RBMS3: variants seen among roughly 807,000 people sequenced by gnomAD.
RBMS3 encodes RNA-binding motif, single-stranded-interacting protein 3.
RBMS3 carries 27 observed loss-of-function variants against 66.8 expected under a neutral mutation model. The ratio of observed to expected loss-of-function variants is 0.40; its 90% CI spans 0.30 to 0.56. The LOEUF is 0.56. Among genes scored for constraint, RBMS3 ranks in the 20% least tolerant of loss-of-function variants. The pLI, the probability that RBMS3 is intolerant of heterozygous loss-of-function variation, is 0.40. For missense variants in RBMS3, 513 were observed against 549.5 expected (o/e 0.93, Z 0.66); for synonymous variants, 188 against 183.0 (o/e 1.03, Z -0.22).
chr3:29,425,234 C>T (rs2040907726), intron 1 of RBMS3, among the ~76,000 whole-genome samples: 1 of 135,998 alleles, frequency 7.4e-6, no homozygotes, highest in African/African-American at 2.8e-5. Flanking sequence ...AAAAAACAGG[C>T]GTGGTGTCAC....
chr3:29,652,740 C>G lies in RBMS3; in HGVS notation c.399+65535C>G, dbSNP rs115569674. ...AAGGTTTGTTTTTGTGACTAAAGCT[C>G]TCTAATCTCGGAAGTCTTGAAGGAA... On this transcript the variant is annotated intron_variant, in intron 4 of 14. Coordinates refer to ENST00000383767, the MANE Select transcript of RBMS3 (RefSeq NM_001003793.3). Among the ~76,000 whole-genome samples, 648 of 152,194 alleles carry G rather than the reference C, an allele frequency of 4.3e-3. 4 individuals carry two copies. The highest frequency in any genetic ancestry group is 0.015 in the African/African-American group (615 of 41,562).
intron 4 of RBMS3, among the ~76,000 whole-genome samples, chr3:29,672,136 A>T (rs2051030206): frequency 6.6e-6 from 1 of 152,186 alleles, no homozygotes; most frequent in South Asian, 2.1e-4. Flanking sequence ...GATATTCAAC[A>T]TTCTTAAAGA....
intron 6 of RBMS3, among the ~76,000 whole-genome samples, chr3:29,835,847 A>T (rs1235443999): frequency 3.9e-5 from 6 of 151,906 alleles, no homozygotes; most frequent in East Asian, 1.9e-4. Flanking sequence ...ACTTTTTTTT[A>T]AAAAAAGGTA....
intron 4 of RBMS3, among the ~76,000 whole-genome samples, chr3:29,619,291 A>G (rs1223369770): frequency 6.6e-6 from 1 of 151,892 alleles, no homozygotes; most frequent in East Asian, 1.9e-4. Context: ...AAAATGAATA[A>G]AGAAAACAGT....
intron 4 of RBMS3, among the ~76,000 whole-genome samples, chr3:29,604,486 T>C (rs932387835): frequency 1.3e-5 from 2 of 151,948 alleles, no homozygotes; most frequent in South Asian, 4.1e-4. Flanking sequence ...TCATCATCCT[T>C]CCTATAGAGT....
intron 1 of RBMS3, among the ~76,000 whole-genome samples, chr3:29,300,642 T>G (rs72849582): frequency 6.6e-6 from 1 of 151,960 alleles, no homozygotes; most frequent in African/African-American, 2.4e-5. Context: ...ATAAAAAATA[T>G]AGGAAAAGTT....
At chr3:29,849,170 ATGTGTGTGTG>A (rs10571760) in intron 6 of RBMS3, among the ~76,000 whole-genome samples, 10 of 141,676 alleles carry the variant, frequency 7.1e-5, no homozygotes, top group East Asian at 2.1e-4. Flanking sequence ...CACCAAAGGA[ATGTGTGTGTG>A]TGTGTGTGTG....
chr3:29,653,017 A>G (rs2050198065), intron 4 of RBMS3, among the ~76,000 whole-genome samples: 1 of 152,198 alleles, frequency 6.6e-6, no homozygotes, highest in Admixed American at 6.5e-5. Context: ...ATTCCAAATA[A>G]GCTGATTAAG....
chr3:29,587,419 G>T (rs1339400922), intron 4 of RBMS3, among the ~76,000 whole-genome samples: 1 of 151,574 alleles, frequency 6.6e-6, no homozygotes, highest in Non-Finnish European at 1.5e-5. Context: ...TCCACATTAG[G>T]TTTGGCTTAG....
chr3:29,327,495 T>C (rs1235314522), intron 1 of RBMS3, among the ~76,000 whole-genome samples: 1 of 152,216 alleles, frequency 6.6e-6, no homozygotes, highest in Non-Finnish European at 1.5e-5. Context: ...CCCTTCCTCC[T>C]TTTCCTCCTC....
At chr3:29,601,282 G>GAAACT (rs2048134269) in intron 4 of RBMS3, among the ~76,000 whole-genome samples, 1 of 151,924 alleles carries the variant, frequency 6.6e-6, no homozygotes, top group African/African-American at 2.4e-5. Context: ...AACCATCACA[G>GAAACT]AAACTATGAA....
At chr3:29,564,004 C>CA (rs549817111) in intron 3 of RBMS3, among the ~76,000 whole-genome samples, 8,877 of 72,454 alleles carry the variant, frequency 0.12, 760 homozygotes, top group African/African-American at 0.31. Flanking sequence ...GAGATGCTGT[C>CA]AAAAAAAAAA....
intron 6 of RBMS3, among the ~76,000 whole-genome samples, chr3:29,860,264 T>C (rs979351852): frequency 7.9e-5 from 12 of 152,238 alleles, no homozygotes; most frequent in African/African-American, 2.7e-4. Flanking sequence ...ACATCAGGTC[T>C]AGATGGCCCC....
intron 4 of RBMS3, among the ~76,000 whole-genome samples, chr3:29,738,176 G>A (rs1048035658): frequency 1.5e-4 from 23 of 151,874 alleles, no homozygotes; most frequent in African/African-American, 5.3e-4. Flanking sequence ...AACAACATTT[G>A]GATTCTTGTT....
chr3:29,457,811 C>T (rs2042244243), intron 2 of RBMS3, among the ~76,000 whole-genome samples: 1 of 149,114 alleles, frequency 6.7e-6, no homozygotes, highest in Non-Finnish European at 1.5e-5. Context: ...TAGCTCTTAC[C>T]ATTTCTCAAT....
chr3:29,594,722 G>GT lies in RBMS3; in HGVS notation c.399+7524dup, dbSNP rs763308157. Among the ~76,000 whole-genome samples the GT allele has an allele frequency of 3.2e-4, 48 of 152,176 alleles. No homozygotes were observed. In the East Asian group the frequency reaches 9.1e-3, roughly 29 times the overall value. Reference sequence around the variant, plus strand: ...TTGTTGGCTATGTCAATTTGGCTCAGTTTTTTTCCTGATCCAAATGCTGAA... The same window carrying GT: ...TTGTTGGCTATGTCAATTTGGCTCAGTTTTTTTTCCTGATCCAAATGCTGAA... On this transcript the variant is annotated intron_variant, in intron 4 of 14. Transcript: ENST00000383767.
chr3:29,738,405 CTG>C, intron 4 of RBMS3, among the ~76,000 whole-genome samples: 1 of 152,270 alleles, frequency 6.6e-6, no homozygotes, highest in African/African-American at 2.4e-5. Context: ...AATGACTAAT[CTG>C]TCAAGTTTTT....
At chr3:29,495,482 G>A (rs1205635529) in intron 3 of RBMS3, among the ~76,000 whole-genome samples, 2 of 143,290 alleles carry the variant, frequency 1.4e-5, no homozygotes, top group African/African-American at 5.2e-5. Context: ...GTGCAGTGGT[G>A]CGATCTTGGC....
chr3:29,523,527 T>A (rs1002510379), intron 3 of RBMS3, among the ~76,000 whole-genome samples: 6 of 152,074 alleles, frequency 3.9e-5, no homozygotes, highest in Non-Finnish European at 8.8e-5. Context: ...TTCCTGGATA[T>A]CTTCATTGGA....
Sources: gnomAD v4.1 joint callset for allele counts (sites outside exome capture counted in the v4.1 genomes callset) on GRCh38, gnomAD v4.1.1 for gene constraint, MANE v1.5 for transcripts, NCBI Gene and HGNC (gene_info 2026-07-23, HGNC 2026-07-21) for gene names.